ASIC2: variants seen among roughly 807,000 people sequenced by gnomAD.
ASIC2 encodes acid sensing ion channel subunit 2.
A neutral mutation model predicts 57.3 loss-of-function variants in ASIC2; 25 were observed. The observed-to-expected ratio is 0.44, with a 90% CI of 0.32 to 0.61. The LOEUF is 0.61. ASIC2 is among the 20% of genes least tolerant of loss of function. The probability of loss-of-function intolerance (pLI) is 0.06; values close to 1 mark genes in which losing one functional copy is unlikely to be tolerated. For missense variants in ASIC2, 641 were observed against 738.1 expected, an observed-to-expected ratio of 0.87 and a Z score of 1.52; for synonymous variants, 319 against 307.5, an observed-to-expected ratio of 1.04 and a Z score of -0.39.
chr17:33,850,832 G>A (rs2141915450), intron 1 of ASIC2, among the ~76,000 whole-genome samples: 2 of 151,868 alleles, frequency 1.3e-5, no homozygotes, highest in East Asian at 3.9e-4. Context: ...CTGGCATTTG[G>A]GGCTTGCAGT....
intron 1 of ASIC2, among the ~76,000 whole-genome samples, chr17:33,504,947 C>T (rs1265136050): frequency 6.6e-6 from 1 of 152,074 alleles, no homozygotes; most frequent in Non-Finnish European, 1.5e-5. Flanking sequence ...GTGGAGCTGG[C>T]TGTGGCAGAA....
chr17:33,021,078 G>A, intron 7 of ASIC2, 141 bp downstream of exon 7: 1 of 620,092 alleles, frequency 1.6e-6, no homozygotes. Flanking sequence ...CAAGGAAACA[G>A]GGAGTAATTA....
At chr17:33,346,292 C>A (rs12449923) in intron 1 of ASIC2, among the ~76,000 whole-genome samples, 32,944 of 140,602 alleles carry the variant, frequency 0.23, 3,828 homozygotes, top group East Asian at 0.42. Context: ...CACCTATGTA[C>A]ATTTTCCAAT....
chr17:33,949,762 G>A (rs186237223), intron 1 of ASIC2, among the ~76,000 whole-genome samples: 16 of 152,280 alleles, frequency 1.1e-4, no homozygotes, highest in African/African-American at 2.6e-4. Context: ...CTTATCAAAC[G>A]GTTGTACAAA....
chr17:33,021,796 G>A (rs1010537828), intron 6 of ASIC2, among the ~76,000 whole-genome samples: 10 of 152,244 alleles, frequency 6.6e-5, no homozygotes, highest in African/African-American at 2.4e-4. Context: ...GCATTATCAA[G>A]TCAATTGCCA....
chr17:33,870,224 GTTTTTTTTTTTTTT>G (rs869267956), intron 1 of ASIC2, among the ~76,000 whole-genome samples: 8 of 50,116 alleles, frequency 1.6e-4, no homozygotes, highest in African/African-American at 4.0e-4. Flanking sequence ...GAGAAATTCT[GTTTTTTTTTTTTTT>G]TTTTTTTTTT....
chr17:33,752,447 T>C (rs1910465003), intron 1 of ASIC2, among the ~76,000 whole-genome samples: 1 of 152,076 alleles, frequency 6.6e-6, no homozygotes. Flanking sequence ...GAAGAAAACA[T>C]TTACAAAGCA....
intron 1 of ASIC2, among the ~76,000 whole-genome samples, chr17:33,450,139 C>A (rs879750748): frequency 1.5e-4 from 23 of 152,154 alleles, no homozygotes; most frequent in Non-Finnish European, 2.8e-4. Flanking sequence ...ACATCCAAAA[C>A]AAAAGGCTAG....
chr17:34,111,696 G>A (rs1180226028), intron 1 of ASIC2, among the ~76,000 whole-genome samples: 1 of 152,220 alleles, frequency 6.6e-6, no homozygotes, highest in Non-Finnish European at 1.5e-5. Context: ...AATGCAGTCT[G>A]ATTCCAATCC....
rs1915983653 is a variant in ASIC2, at chr17:33,933,215, AC to A, written c.555+222762del. 3.3e-5 allele frequency among the ~76,000 whole-genome samples: 5 copies of A among 152,202 alleles called. No homozygotes were observed. The South Asian group carries it at 1.0e-3, about 32-fold the overall frequency. ...TGGACAGTTGCATGCTTAGAAAGTC[AC>A]CTCCTCAAAGAAGCCATCCCTGATT... On this transcript the variant is annotated intron_variant, in intron 1 of 9. Transcript: ENST00000359872.
At chr17:33,527,095 C>T (rs559644410) in intron 1 of ASIC2, among the ~76,000 whole-genome samples, 1 of 152,294 alleles carries the variant, frequency 6.6e-6, no homozygotes, top group South Asian at 2.1e-4. Context: ...GTGCCTACTT[C>T]CTTCTATGAT....
chr17:33,740,343 C>G (rs1910070646), intron 1 of ASIC2, among the ~76,000 whole-genome samples: 1 of 152,214 alleles, frequency 6.6e-6, no homozygotes, highest in Non-Finnish European at 1.5e-5. Context: ...TTTCACATGG[C>G]TGGGAGGCCT....
intron 1 of ASIC2, among the ~76,000 whole-genome samples, chr17:33,117,620 G>T (rs2092286205): frequency 6.6e-6 from 1 of 152,210 alleles, no homozygotes; most frequent in Non-Finnish European, 1.5e-5. Flanking sequence ...CTTCCCATCA[G>T]AGACATTGAA....
intron 1 of ASIC2, among the ~76,000 whole-genome samples, chr17:33,636,172 C>G (rs766565273): frequency 9.2e-5 from 14 of 152,086 alleles, no homozygotes; most frequent in Non-Finnish European, 1.9e-4. Flanking sequence ...AATACAGATT[C>G]AAAATGCTAG....
chr17:33,289,661 G>A (rs1905338042), intron 1 of ASIC2, among the ~76,000 whole-genome samples: 1 of 152,190 alleles, frequency 6.6e-6, no homozygotes, highest in African/African-American at 2.4e-5. Context: ...GCTTTTTAGA[G>A]CTTCATTTTT....
At chr17:33,763,790 CTG>C (rs1232856243) in intron 1 of ASIC2, among the ~76,000 whole-genome samples, 4 of 152,352 alleles carry the variant, frequency 2.6e-5, no homozygotes, top group African/African-American at 9.6e-5. Flanking sequence ...TGTAAAGTCA[CTG>C]AGATTTTCTG....
chr17:33,633,216 G>C (rs954205034), intron 1 of ASIC2, among the ~76,000 whole-genome samples: 1 of 152,146 alleles, frequency 6.6e-6, no homozygotes, highest in African/African-American at 2.4e-5. Context: ...TGAAGCCCAG[G>C]GGCTTGCCAC....
rs150989737 is a variant in ASIC2, at chr17:33,434,804, G to A, written c.556-322737C>T. On this transcript the variant is annotated intron_variant, in intron 1 of 9. Coordinates refer to the ASIC2 transcript ENST00000359872. Reference sequence around the variant, plus strand: ...ACTAAGACCAAATGAAGGTTAGAACGGAGAGTAAGGTATGCAATGGCTATC... The same window carrying A: ...ACTAAGACCAAATGAAGGTTAGAACAGAGAGTAAGGTATGCAATGGCTATC... Among the ~76,000 whole-genome samples, 276 of 152,264 alleles carry A rather than the reference G, an allele frequency of 1.8e-3. 1 individual carries two copies. The highest frequency in any genetic ancestry group is 6.0e-3 in the African/African-American group (250 of 41,554).
At chr17:33,537,845 G>A (rs368171829) in intron 1 of ASIC2, among the ~76,000 whole-genome samples, 4 of 152,164 alleles carry the variant, frequency 2.6e-5, no homozygotes, top group Admixed American at 6.5e-5. Flanking sequence ...TCAATGAAGC[G>A]TCAGAGTGTG....
Sources: allele counts gnomAD v4.1 joint callset (sites outside exome capture counted in the v4.1 genomes callset), GRCh38; gene constraint gnomAD v4.1.1; transcripts MANE v1.5; gene names NCBI Gene and HGNC (gene_info 2026-07-23, HGNC 2026-07-21).